The following TRPM1 variants were observed in gnomAD, a reference collection of about 807,000 sequenced individuals.
The protein encoded by TRPM1 is TRPM1-203 APA Isoform, Intron 10.
Under a neutral mutation model 149.4 loss-of-function variants are expected in TRPM1, and 113 were observed. That is an observed-to-expected ratio of 0.76 (90% CI 0.65 to 0.88). The LOEUF (loss-of-function observed/expected upper bound fraction) is 0.88, where lower values mean the gene tolerates loss of function less well. Among genes scored for constraint, TRPM1 ranks in the 40% least tolerant of loss-of-function variants. The probability of loss-of-function intolerance (pLI) is 0.00; values close to 1 mark genes in which losing one functional copy is unlikely to be tolerated. For synonymous variants in TRPM1, 741 were observed against 759.5 expected (o/e 0.98, Z 0.40); for missense variants, 1,976 against 2,038.7 (o/e 0.97, Z 0.59).
chr15:31,064,995 A>G (rs770658330), intron 7 of TRPM1: 1 of 530,598 alleles, frequency 1.9e-6, no homozygotes, highest in Non-Finnish European at 3.9e-6. Context: ...AACAGAGTAG[A>G]ACAGGTTCTT....
At chr15:31,013,333 A>G (rs2032251864) in intron 27 of TRPM1, among the ~76,000 whole-genome samples, 1 of 151,432 alleles carries the variant, frequency 6.6e-6, no homozygotes, top group Non-Finnish European at 1.5e-5. Context: ...AATATATATA[A>G]TTTCTACCTC....
At position 31,002,925 on chromosome 15, in the gene TRPM1, T is replaced by A. The variant is rs181507092; in HGVS notation, c.3775A>T (p.Ile1259Phe). 1.9e-6 allele frequency: 3 copies of A among 1,604,652 alleles called. No homozygotes were observed. The Admixed American group carries it at 5.1e-5, about 27-fold the overall frequency. Residue 1259 changes from isoleucine (I) to phenylalanine (F), a missense_variant, in exon 28 of 28, where the codon ATC becomes TTC. Ile to Phe is a conservative substitution (Grantham distance 21, BLOSUM62 0). Around this residue, in one of 3 missense-constraint regions of TRPM1, gnomAD observed 572 missense variants for 578.9 expected, o/e 0.99. Transcript: ENST00000256552. ...MVNALENLAGIDRSDLIQARS... is the reference protein window; with the variant it reads ...MVNALENLAGFDRSDLIQARS... Reference sequence around the variant, plus strand: ...GCCTGGATCAGGTCAGACCTGTCGATTCCCGCAAGATTTTCAAGAGCATTC... The same window carrying A: ...GCCTGGATCAGGTCAGACCTGTCGAATCCCGCAAGATTTTCAAGAGCATTC...
chr15:31,055,097 A>G (rs2034048534), intron 11 of TRPM1, among the ~76,000 whole-genome samples: 1 of 152,170 alleles, frequency 6.6e-6, no homozygotes, highest in South Asian at 2.1e-4. Context: ...CCTCCCTACC[A>G]CAAGTTTTCT....
intron 1 of TRPM1, among the ~76,000 whole-genome samples, chr15:31,088,885 C>T (rs1165914798): frequency 1.3e-5 from 2 of 151,712 alleles, no homozygotes; most frequent in Middle Eastern, 3.4e-3. Flanking sequence ...CCCCCCCGAG[C>T]GGGAGATCAG....
At chr15:31,106,148 T>A (rs2035603394), upstream of TRPM1, among the ~76,000 whole-genome samples, 1 of 151,982 alleles carries the variant, frequency 6.6e-6, no homozygotes, top group Non-Finnish European at 1.5e-5. Flanking sequence ...TTTCTTTTTT[T>A]TTTTTTTGAG....
At chr15:31,070,491 A>G in intron 3 of TRPM1, 1 of 684,994 alleles carries the variant, frequency 1.5e-6, no homozygotes, top group South Asian at 1.5e-5. Context: ...TGATGTCTTG[A>G]TAACATCAGT....
At position 31,035,640 on chromosome 15, in the gene TRPM1, T is replaced by C; in HGVS notation, c.2606A>G (p.Tyr869Cys). The C allele has an allele frequency of 6.2e-7, 1 of 1,614,152 alleles. No homozygotes were observed. ...SYLGYLLLFN[Y>C]VILVRMDGWP... Reference sequence around the variant, plus strand: ...GCCATCCATCCGCACCAGGATGACGTAGTTAAACAGCAGCAGGTAGCCCAA... The same window carrying C: ...GCCATCCATCCGCACCAGGATGACGCAGTTAAACAGCAGCAGGTAGCCCAA... The change falls in exon 21 of 28, where the codon TAC becomes TGC. Residue 869 changes from tyrosine to cysteine, a missense_variant. By Grantham distance (194) the Tyr-to-Cys change is radical. Transcript: ENST00000256552.
At chr15:31,108,369 A>C (rs552019599) in intron 1 of TRPM1, among the ~76,000 whole-genome samples, 7 of 152,254 alleles carry the variant, frequency 4.6e-5, no homozygotes, top group African/African-American at 1.7e-4. Context: ...AGGTCAATGT[A>C]GTTTTAATTT....
chr15:31,037,486 G>A (rs2033444293), intron 20 of TRPM1, among the ~76,000 whole-genome samples: 1 of 152,232 alleles, frequency 6.6e-6, no homozygotes, highest in Non-Finnish European at 1.5e-5. Context: ...TTTGCCTTAT[G>A]AGATGGTGTA....
intron 19 of TRPM1, 61 bp from the exon 20 acceptor site, chr15:31,037,903 C>G (rs543934568): frequency 4.3e-6 from 7 of 1,613,006 alleles, no homozygotes; most frequent in South Asian, 1.1e-5. Flanking sequence ...CAAGGCACTC[C>G]GGCACACAGG....
At chr15:31,103,735 C>T (rs1444629256), upstream of TRPM1, among the ~76,000 whole-genome samples, 1 of 149,256 alleles carries the variant, frequency 6.7e-6, no homozygotes, top group Non-Finnish European at 1.5e-5. Context: ...ATCACTTGAA[C>T]CCTGGAGGCG....
chr15:31,154,881 GT>G (rs2036347497), intron 1 of TRPM1, among the ~76,000 whole-genome samples: 3 of 152,018 alleles, frequency 2.0e-5, no homozygotes, highest in African/African-American at 7.2e-5. Flanking sequence ...CTGACTCCCT[GT>G]GATTTCATCC....
intron 1 of TRPM1, among the ~76,000 whole-genome samples, chr15:31,135,535 G>A (rs1365963822): frequency 6.6e-6 from 1 of 152,152 alleles, no homozygotes; most frequent in East Asian, 1.9e-4. Context: ...AATCTACTAA[G>A]TTTGTAGGGA....
chr15:31,025,844 T>C (rs374028026), intron 27 of TRPM1, among the ~76,000 whole-genome samples: 2 of 152,326 alleles, frequency 1.3e-5, no homozygotes, highest in African/African-American at 4.8e-5. Context: ...TTCTGTAGCT[T>C]CCATTAACCT....
intron 1 of TRPM1, among the ~76,000 whole-genome samples, chr15:31,107,462 C>A (rs910078099): frequency 5.9e-5 from 9 of 152,086 alleles, no homozygotes; most frequent in Non-Finnish European, 1.3e-4. Flanking sequence ...TTTAGATGGC[C>A]AGTCTAGCTA....
At chr15:31,071,702 G>A (rs546430102) in intron 3 of TRPM1, among the ~76,000 whole-genome samples, 5 of 151,896 alleles carry the variant, frequency 3.3e-5, no homozygotes, top group African/African-American at 7.2e-5. Context: ...AGTGGCTCAC[G>A]CCTGTAATCC....
intron 1 of TRPM1, among the ~76,000 whole-genome samples, chr15:31,100,763 T>A (rs1377048996): frequency 6.6e-6 from 1 of 152,206 alleles, no homozygotes; most frequent in Non-Finnish European, 1.5e-5. Context: ...TTTTTCTCTG[T>A]CATTTTAAAA....
intron 1 of TRPM1, among the ~76,000 whole-genome samples, chr15:31,141,360 G>A (rs2141052441): frequency 6.6e-6 from 1 of 152,196 alleles, no homozygotes; most frequent in East Asian, 1.9e-4. Context: ...TACACAAAGT[G>A]TATTAAAAAA....
upstream of TRPM1, among the ~76,000 whole-genome samples, chr15:31,104,700 TCTC>T: frequency 6.7e-6 from 1 of 150,182 alleles, no homozygotes; most frequent in Non-Finnish European, 1.5e-5. Flanking sequence ...TTCACACCAT[TCTC>T]CTGCCTCAGC....
Sources: gnomAD v4.1 joint callset for allele counts (sites outside exome capture counted in the v4.1 genomes callset) on GRCh38, gnomAD v4.1.1 for gene constraint, gnomAD v4.1.1 regional missense constraint, MANE v1.5 for transcripts, NCBI Gene and HGNC (gene_info 2026-07-23, HGNC 2026-07-21) for gene names.